The following SCN9A variants were observed in gnomAD, a reference collection of about 807,000 sequenced individuals.
SCN9A encodes the protein sodium channel protein type 9 subunit alpha.
A neutral mutation model predicts 187.0 loss-of-function variants in SCN9A; 131 were observed. The observed-to-expected ratio is 0.70, with a 90% CI of 0.61 to 0.81. The LOEUF (loss-of-function observed/expected upper bound fraction) is 0.81. Ranked by LOEUF, SCN9A falls within the 30% of genes least tolerant of loss-of-function variation. The pLI is 0.00. For missense variants in SCN9A, 2,252 were observed against 2,396.6 expected (o/e 0.94, Z 1.26); for synonymous variants, 809 against 808.6 (o/e 1.00, Z -0.01).
intron 13 of SCN9A, among the ~76,000 whole-genome samples, chr2:166,281,358 T>C (rs937879703): frequency 3.3e-5 from 5 of 152,200 alleles, no homozygotes; most frequent in African/African-American, 1.2e-4. Context: ...AACCTTGTTT[T>C]CTGCATCAAT....
chr2:166,311,795 C>T lies in SCN9A; in HGVS notation c.-39G>A. On this transcript the variant is annotated 5_prime_UTR_variant, in exon 2 of 27. The change abolishes the stop of an existing upstream ORF in the 5' untranslated region. Coordinates refer to ENST00000642356, the MANE Select transcript of SCN9A (RefSeq NM_001365536.1). The stretch of plus-strand genomic sequence containing the variant: ...ATATTTTAATTCCTCTTCAGCTCCT[C>T]ACATAAGAGGCCTGGATGGAAACAA... 1 of 1,535,684 alleles carries T rather than the reference C, an allele frequency of 6.5e-7. No individual in the cohort carries two copies. The highest frequency in any genetic ancestry group is 1.3e-5 in the South Asian group (1 of 75,728).
At chr2:166,223,618 A>G (rs566663125) in intron 24 of SCN9A, among the ~76,000 whole-genome samples, 66 of 152,358 alleles carry the variant, frequency 4.3e-4, no homozygotes, top group African/African-American at 1.6e-3. Context: ...TAAAGTTTCA[A>G]TTATGCAAGA....
At chr2:166,341,586 C>T (rs1480136660) in intron 1 of SCN9A, among the ~76,000 whole-genome samples, 17 of 152,198 alleles carry the variant, frequency 1.1e-4, no homozygotes, top group Admixed American at 1.1e-3. Context: ...TAAGACTCCA[C>T]AAAGAGACAC....
At position 166,325,900 on chromosome 2, in the gene SCN9A, T is replaced by A. The variant is rs76571042; in HGVS notation, c.-50-14094A>T. Among the ~76,000 whole-genome samples the A allele has an allele frequency of 6.9e-3, 1,047 of 152,286 alleles. 14 individuals carry two copies. The highest frequency in any genetic ancestry group is 0.024 in the African/African-American group (994 of 41,578). On this transcript the variant is annotated intron_variant, in intron 1 of 26. Transcript: ENST00000642356. ...TAACTACAAAAGCCCCTTTTGTCAA[T>A]AATATTTTAAATTACTCTCCTATGT...
intron 1 of SCN9A, among the ~76,000 whole-genome samples, chr2:166,313,058 A>G (rs368229380): frequency 0.018 from 399 of 21,662 alleles, 8 homozygotes; most frequent in African/African-American, 0.11. Context: ...AAAGAATATA[A>G]TTATTTAATT....
intron 16 of SCN9A, 95 bp from the exon 17 acceptor site, chr2:166,272,970 A>T: frequency 5.3e-6 from 3 of 564,056 alleles, no homozygotes; most frequent in Non-Finnish European, 8.7e-6. Flanking sequence ...TATAGGCCAC[A>T]ATACAAACCA....
chr2:166,263,912 T>C (rs572730340), intron 17 of SCN9A, among the ~76,000 whole-genome samples: 1 of 152,100 alleles, frequency 6.6e-6, no homozygotes, highest in South Asian at 2.1e-4. Context: ...CTAGAGCCTT[T>C]AGAGAAATCA....
At chr2:166,325,490 G>C (rs903685184) in intron 1 of SCN9A, among the ~76,000 whole-genome samples, 1 of 152,034 alleles carries the variant, frequency 6.6e-6, no homozygotes, top group Non-Finnish European at 1.5e-5. Flanking sequence ...GAGTCACAAT[G>C]TCTGAGTCCT....
At chr2:166,278,348 T>C in intron 14 of SCN9A, 35 bp from the exon 15 acceptor site, 1 of 1,485,358 alleles carries the variant, frequency 6.7e-7, no homozygotes, top group South Asian at 1.3e-5. Flanking sequence ...CTGTTAATAT[T>C]AGAAAACAGG....
At chr2:166,204,313 G>A (rs1385482823) in intron 25 of SCN9A, 47 bp downstream of exon 25, 5 of 1,557,882 alleles carry the variant, frequency 3.2e-6, no homozygotes, top group Non-Finnish European at 2.6e-6. Context: ...AAATGAATTA[G>A]AAATAATTTG....
At chr2:166,297,057 C>T (rs971254187) in intron 7 of SCN9A, among the ~76,000 whole-genome samples, 1 of 151,256 alleles carries the variant, frequency 6.6e-6, no homozygotes, top group Non-Finnish European at 1.5e-5. Flanking sequence ...AATAGCTGGG[C>T]GTGGTGGCGG....
In SCN9A at chr2:166,242,672, T is replaced by G. The variant is rs775997901; in HGVS notation, c.3473-16A>C. 6.5e-7 allele frequency: 1 copy of G among 1,534,942 alleles called. No individual in the cohort carries two copies. Among genetic ancestry groups the G allele is most frequent in the South Asian group, 1.2e-5 (1 of 81,444 alleles). On this transcript the variant is annotated splice_polypyrimidine_tract_variant and intron_variant, in intron 18 of 26. Transcript: ENST00000642356. ...CATACACAACCTGACAAGAAAGACA[T>G]GCATGTTAAATCTTGATATTCAGAA...
chr2:166,200,592 A>G (rs983486964), intron 26 of SCN9A, among the ~76,000 whole-genome samples: 2 of 152,240 alleles, frequency 1.3e-5, no homozygotes, highest in Non-Finnish European at 2.9e-5. Flanking sequence ...GCACATGTAC[A>G]CACACAAACA....
At chr2:166,298,951 C>G (rs1348274884) in intron 7 of SCN9A, 1 of 152,202 alleles carries the variant, frequency 6.6e-6, no homozygotes, top group African/African-American at 2.4e-5. Context: ...AGAATTTTCT[C>G]TTCCTCATTT....
At chr2:166,321,300 A>T (rs1215821919) in intron 1 of SCN9A, 1 of 152,104 alleles carries the variant, frequency 6.6e-6, no homozygotes, top group African/African-American at 2.4e-5. Flanking sequence ...CGGGTGAATC[A>T]CTTGAGGGCA....
At chr2:166,294,144 A>G (rs1238922976) in intron 8 of SCN9A, among the ~76,000 whole-genome samples, 1 of 152,190 alleles carries the variant, frequency 6.6e-6, no homozygotes, top group Non-Finnish European at 1.5e-5. Flanking sequence ...TATTCTTAAA[A>G]TATGTGTACC....
Position 166,203,968 on chromosome 2 carries a change from A to AATC in SCN9A, c.4758_4760dup (p.Val1586_Ile1587insMet). On this transcript the variant is annotated inframe_insertion, in exon 26 of 27. Coordinates refer to ENST00000642356, the MANE Select transcript of SCN9A (RefSeq NM_001365536.1). ...AAATATTCTTACCTACAATGGAGAT[A>AATC]ATCACAACCACAAAATCAAAAATAT... is the stretch of plus-strand genomic sequence containing the variant. The AATC allele has an allele frequency of 6.3e-7, 1 of 1,581,400 alleles. No individual in the cohort carries two copies. The highest frequency in any genetic ancestry group is 8.7e-7 in the Non-Finnish European group (1 of 1,154,518).
rs115726491 is a variant in SCN9A at position 166,323,820 on chromosome 2, A to G, written c.-50-12014T>C. Among the ~76,000 whole-genome samples the G allele has an allele frequency of 5.2e-3, 788 of 152,026 alleles. 8 individuals carry two copies. Among genetic ancestry groups the G allele is most frequent in the African/African-American group, 0.017 (725 of 41,484 alleles). ...GAAAGCTATATTTATTTAAGAGAAT[A>G]AGTTATTCTCTTAAAAATATCTCCC... is the stretch of plus-strand genomic sequence containing the variant. On this transcript the variant is annotated intron_variant, in intron 1 of 26. Transcript: ENST00000642356.
At chr2:166,306,624 G>T (rs1323684346) in intron 3 of SCN9A, 25 bp from the exon 4 acceptor site, 3 of 1,441,094 alleles carry the variant, frequency 2.1e-6, no homozygotes, top group Non-Finnish European at 2.9e-6. Context: ...AGGAACAAAA[G>T]AGACGACAGT....
Sources: gnomAD v4.1 joint callset for allele counts (sites outside exome capture counted in the v4.1 genomes callset) on GRCh38, gnomAD v4.1.1 for gene constraint, MANE v1.5 for transcripts, NCBI Gene and HGNC (gene_info 2026-07-23, HGNC 2026-07-21) for gene names.